The following FRMD5 variants were observed in gnomAD, a reference collection of about 807,000 sequenced individuals.
The protein encoded by FRMD5 is FERM domain-containing protein 5.
FRMD5 carries 20 observed loss-of-function variants against 69.0 expected under a neutral mutation model. The observed-to-expected ratio is 0.29, with a 90% confidence interval of 0.20 to 0.42. The LOEUF (loss-of-function observed/expected upper bound fraction) is 0.42, where lower values mean the gene tolerates loss of function less well. Ranked by LOEUF, FRMD5 falls within the 10% of genes least tolerant of loss-of-function variation. The probability of loss-of-function intolerance (pLI) is 1.00; values close to 1 mark genes in which losing one functional copy is unlikely to be tolerated. For missense variants in FRMD5, 595 were observed against 708.6 expected (o/e 0.84, Z 1.82); for synonymous variants, 271 against 260.1 (o/e 1.04, Z -0.40).
At chr15:43,997,266 A>C (rs908274676) in intron 1 of FRMD5, among the ~76,000 whole-genome samples, 2 of 151,946 alleles carry the variant, frequency 1.3e-5, no homozygotes, top group Non-Finnish European at 2.9e-5. Context: ...TCTTTGCTCT[A>C]CCTCTCTAAA....
chr15:44,024,314 C>A (rs1891340429), intron 1 of FRMD5, among the ~76,000 whole-genome samples: 1 of 151,932 alleles, frequency 6.6e-6, no homozygotes, highest in Non-Finnish European at 1.5e-5. Context: ...GGGAGAATTT[C>A]TTTAAGATAT....
chr15:44,027,638 A>C (rs1891486532), intron 1 of FRMD5, among the ~76,000 whole-genome samples: 1 of 131,288 alleles, frequency 7.6e-6, no homozygotes, highest in Non-Finnish European at 1.6e-5. Context: ...TTTCTTTTCT[A>C]GTTTTTTTTT....
intron 1 of FRMD5, among the ~76,000 whole-genome samples, chr15:43,928,392 C>T (rs1349234757): frequency 6.6e-6 from 1 of 152,212 alleles, no homozygotes; most frequent in Non-Finnish European, 1.5e-5. Context: ...CAACTTAGAG[C>T]TCTGCGCAGA....
intron 4 of FRMD5, among the ~76,000 whole-genome samples, chr15:43,915,766 C>G (rs914173410): frequency 2.8e-4 from 43 of 152,174 alleles, no homozygotes; most frequent in African/African-American, 1.0e-3. Context: ...TACTTCACCC[C>G]CTTCTCTCAG....
At chr15:43,876,549 A>G (rs1316861214) in intron 13 of FRMD5, among the ~76,000 whole-genome samples, 1 of 152,192 alleles carries the variant, frequency 6.6e-6, no homozygotes, top group Non-Finnish European at 1.5e-5. Context: ...GAATGGGGAG[A>G]AGGGGAATAT....
At chr15:44,026,492 A>C (rs1891434800) in intron 1 of FRMD5, among the ~76,000 whole-genome samples, 1 of 152,192 alleles carries the variant, frequency 6.6e-6, no homozygotes, top group Admixed American at 6.5e-5. Flanking sequence ...AATTACTTTA[A>C]AAGTGATTTG....
chr15:44,042,231 G>A (rs1195287234), intron 1 of FRMD5, among the ~76,000 whole-genome samples: 1 of 152,116 alleles, frequency 6.6e-6, no homozygotes, highest in Non-Finnish European at 1.5e-5. Flanking sequence ...GACTAAACCA[G>A]GAAGAAGTTG....
chr15:44,196,679 AT>A (rs1407542518), upstream of FRMD5, among the ~76,000 whole-genome samples: 1 of 105,560 alleles, frequency 9.5e-6, no homozygotes, highest in African/African-American at 3.6e-5. Context: ...GGATTCCAAT[AT>A]TTTCCCCAAT....
chr15:44,023,442 G>C (rs1166734114), intron 1 of FRMD5, among the ~76,000 whole-genome samples: 1 of 152,224 alleles, frequency 6.6e-6, no homozygotes, highest in Non-Finnish European at 1.5e-5. Context: ...AAACAGGGAG[G>C]TGGCAATAGG....
intron 1 of FRMD5, among the ~76,000 whole-genome samples, chr15:44,053,310 G>A (rs959933536): frequency 6.6e-6 from 1 of 152,282 alleles, no homozygotes; most frequent in Admixed American, 6.5e-5. Flanking sequence ...TTTATTTTAA[G>A]AGCAATGGGA....
intron 1 of FRMD5, among the ~76,000 whole-genome samples, chr15:43,942,724 CATAAT>C: frequency 6.6e-6 from 1 of 152,244 alleles, no homozygotes; most frequent in East Asian, 1.9e-4. Context: ...AATCATAACA[CATAAT>C]ATACTGTCAT....
chr15:44,023,616 T>C (rs1287009963), intron 1 of FRMD5, among the ~76,000 whole-genome samples: 5 of 152,216 alleles, frequency 3.3e-5, no homozygotes, highest in African/African-American at 1.2e-4. Flanking sequence ...TTAAAGCCTC[T>C]TTTAAAGTAA....
At chr15:44,103,711 C>T (rs746091418) in intron 1 of FRMD5, among the ~76,000 whole-genome samples, 4 of 152,190 alleles carry the variant, frequency 2.6e-5, no homozygotes, top group Non-Finnish European at 5.9e-5. Flanking sequence ...TTCCTTCTTC[C>T]CCAGTCTTGG....
intron 1 of FRMD5, among the ~76,000 whole-genome samples, chr15:43,979,483 G>T (rs902391653): frequency 6.6e-6 from 1 of 152,228 alleles, no homozygotes; most frequent in African/African-American, 2.4e-5. Flanking sequence ...AAGGGACTGG[G>T]ACTTGAACTC....
At chr15:43,893,792 C>T (rs903113759) in intron 7 of FRMD5, among the ~76,000 whole-genome samples, 1 of 152,124 alleles carries the variant, frequency 6.6e-6, no homozygotes, top group Admixed American at 6.6e-5. Flanking sequence ...GATTCTCAGC[C>T]TGATTGGTCG....
At chr15:44,083,579 T>A (rs1034810370) in intron 1 of FRMD5, among the ~76,000 whole-genome samples, 1 of 152,176 alleles carries the variant, frequency 6.6e-6, no homozygotes, top group East Asian at 1.9e-4. Flanking sequence ...TATTTCATTG[T>A]TCTTGAATGT....
chr15:43,951,990 G>C (rs1375692881), intron 1 of FRMD5, among the ~76,000 whole-genome samples: 6 of 113,348 alleles, frequency 5.3e-5, no homozygotes, highest in East Asian at 2.2e-4. Context: ...TTGTGTGTGT[G>C]TGTGTGTGTC....
chr15:43,949,765 C>T (rs974265024), intron 1 of FRMD5, among the ~76,000 whole-genome samples: 2 of 152,068 alleles, frequency 1.3e-5, no homozygotes, highest in African/African-American at 4.8e-5. Context: ...ATTAGGAGTC[C>T]TAAATTGAAT....
intron 1 of FRMD5, among the ~76,000 whole-genome samples, chr15:44,163,176 AAAAAC>A (rs1256870584): frequency 6.7e-6 from 1 of 150,176 alleles, no homozygotes; most frequent in Non-Finnish European, 1.5e-5. Flanking sequence ...TCCGTCTCAA[AAAAAC>A]AAAACAAAAA....
Sources: gnomAD v4.1 joint callset for allele counts (sites outside exome capture counted in the v4.1 genomes callset) on GRCh38, gnomAD v4.1.1 for gene constraint, MANE v1.5 for transcripts, NCBI Gene and HGNC (gene_info 2026-07-23, HGNC 2026-07-21) for gene names.